The following FAR1 variants were observed in gnomAD, a reference collection of about 807,000 sequenced individuals.
FAR1 encodes the protein male sterility domain-containing protein 2.
A neutral mutation model predicts 61.1 loss-of-function variants in FAR1; 22 were observed. The ratio of observed to expected loss-of-function variants is 0.36; its 90% CI spans 0.26 to 0.51. The LOEUF is 0.51. Ranked by LOEUF, FAR1 falls within the 20% of genes least tolerant of loss-of-function variation. The pLI is 0.95. For synonymous variants in FAR1, 206 were observed against 209.7 expected (o/e 0.98, Z 0.15); for missense variants, 359 against 626.9 (o/e 0.57, Z 4.56).
chr11:13,706,543 CAT>C (rs1258595463), intron 3 of FAR1, among the ~76,000 whole-genome samples: 1 of 151,858 alleles, frequency 6.6e-6, no homozygotes, highest in Non-Finnish European at 1.5e-5. Flanking sequence ...TCATTTACAA[CAT>C]GTTTTGAAAT....
At chr11:13,727,412 G>T in intron 10 of FAR1, 144 bp from the exon 11 acceptor site, 2 of 559,748 alleles carry the variant, frequency 3.6e-6, no homozygotes, top group Non-Finnish European at 5.8e-6. Flanking sequence ...AGTGACTAGC[G>T]GTAAGATTTC....
chr11:13,677,680 C>T (rs956043663), intron 1 of FAR1, among the ~76,000 whole-genome samples: 1 of 152,126 alleles, frequency 6.6e-6, no homozygotes, highest in African/African-American at 2.4e-5. Context: ...GAGTGAGGAC[C>T]CTTAGAACAG....
At chr11:13,670,682 T>G (rs1847990751) in intron 1 of FAR1, among the ~76,000 whole-genome samples, 1 of 151,962 alleles carries the variant, frequency 6.6e-6, no homozygotes, top group Non-Finnish European at 1.5e-5. Flanking sequence ...TTATTACCCT[T>G]GTGAAGAATT....
rs373485409 is a variant in FAR1 at position 13,713,019 on chromosome 11, A to G, written c.941A>G (p.His314Arg). Residue 314 changes from histidine (H) to arginine (R), a missense_variant, in exon 8 of 12, where the codon CAC (histidine) becomes CGC (arginine). Around this residue, in one of 2 missense-constraint regions of FAR1, gnomAD observed 344 missense variants for 570.3 expected, o/e 0.60. Coordinates refer to ENST00000354817, the MANE Select transcript of FAR1 (RefSeq NM_032228.6). ...ACAACAGGCAGCACTAATCCTTTCCACTGGGGTGAAGTTGGTATGATTTTA... is the reference window on the plus strand; with the variant it reads ...ACAACAGGCAGCACTAATCCTTTCCGCTGGGGTGAAGTTGGTATGATTTTA... ...NCTTGSTNPF[H>R]WGEVEYHVIS... 2 of 1,612,862 alleles carry G rather than the reference A, an allele frequency of 1.2e-6. No individual in the cohort carries two copies. Among genetic ancestry groups the G allele is most frequent in the Non-Finnish European group, 1.7e-6 (2 of 1,178,994 alleles).
intron 3 of FAR1, 101 bp downstream of exon 3, chr11:13,700,593 A>G: frequency 2.7e-6 from 2 of 731,664 alleles, no homozygotes; most frequent in South Asian, 3.2e-5. Context: ...ATGTGATTTG[A>G]TACTATTTGC....
intron 4 of FAR1, among the ~76,000 whole-genome samples, chr11:13,708,315 G>A (rs192391852): frequency 2.5e-4 from 38 of 151,554 alleles, no homozygotes; most frequent in Admixed American, 7.9e-4. Context: ...CCGAGATGGC[G>A]CCACTGCACT....
At chr11:13,706,074 CTTTT>C (rs201157363) in intron 3 of FAR1, among the ~76,000 whole-genome samples, 1 of 151,944 alleles carries the variant, frequency 6.6e-6, no homozygotes, top group Non-Finnish European at 1.5e-5. Flanking sequence ...GTACTGAAAA[CTTTT>C]TTTAAAAAAT....
chr11:13,704,970 T>C (rs147138492), intron 3 of FAR1, among the ~76,000 whole-genome samples: 93 of 152,306 alleles, frequency 6.1e-4, no homozygotes, highest in African/African-American at 2.1e-3. Flanking sequence ...TTAAGGTCTT[T>C]AGAAGTATTA....
chr11:13,722,655 G>A (rs1319296095), intron 10 of FAR1, among the ~76,000 whole-genome samples: 1 of 151,744 alleles, frequency 6.6e-6, no homozygotes, highest in East Asian at 1.9e-4. Context: ...TGTATTTTTA[G>A]TAGAGACGGG....
chr11:13,721,829 A>G lies in FAR1; in HGVS notation c.1227A>G (p.Leu409=). 3.7e-6 allele frequency: 6 copies of G among 1,608,878 alleles called. No individual in the cohort carries two copies. In the South Asian group the frequency reaches 6.7e-5, roughly 18 times the overall value. ...GGAATACTGAGAATGTCAATATGTTAATGAATCAACTAAACCCTGAAGATA... is the reference window on the plus strand; with the variant it reads ...GGAATACTGAGAATGTCAATATGTTGATGAATCAACTAAACCCTGAAGATA... ...WVWNTENVNM[L]MNQLNPEDKK... Residue 409 remains leucine (L), a synonymous_variant, in exon 10 of 12, where the codon TTA becomes TTG. Transcript: ENST00000354817. The surrounding 1 kb of genome is among the most constrained non-coding windows in gnomAD (Gnocchi z 4.2).
At chr11:13,717,785 A>G (rs1214311970) in intron 9 of FAR1, among the ~76,000 whole-genome samples, 1 of 152,248 alleles carries the variant, frequency 6.6e-6, no homozygotes, top group Admixed American at 6.5e-5. Context: ...ATGAATGAAT[A>G]TGACTGTGTC....
Position 13,717,614 on chromosome 11 carries a change from C to T in FAR1, c.1127+2934C>T, listed in dbSNP as rs75880178. Among the ~76,000 whole-genome samples, 41 of 152,254 alleles carry T rather than the reference C, an allele frequency of 2.7e-4. 1 individual carries two copies. In the East Asian group the frequency reaches 7.5e-3, roughly 28 times the overall value. ...GCCAAGTAGCCTTCTTATCCTGCTT[C>T]GTGCCCATGAAAGGTTAGGGGATCA... On this transcript the variant is annotated intron_variant, in intron 9 of 11. Coordinates refer to ENST00000354817, the MANE Select transcript of FAR1 (RefSeq NM_032228.6).
intron 3 of FAR1, among the ~76,000 whole-genome samples, chr11:13,704,044 C>CAAAA (rs55995847): frequency 1.3e-5 from 1 of 79,640 alleles, no homozygotes; most frequent in Non-Finnish European, 2.4e-5. Context: ...AACTCCGTCT[C>CAAAA]AAAAAAAAAA....
At chr11:13,724,357 G>A (rs1565353471) in intron 10 of FAR1, among the ~76,000 whole-genome samples, 1 of 151,748 alleles carries the variant, frequency 6.6e-6, no homozygotes, top group African/African-American at 2.4e-5. Flanking sequence ...ACCAGCCTGG[G>A]CAACAAAGTG....
chr11:13,727,351 C>G (rs1414747015), intron 10 of FAR1, among the ~76,000 whole-genome samples: 1 of 151,786 alleles, frequency 6.6e-6, no homozygotes, highest in Non-Finnish European at 1.5e-5. Flanking sequence ...ATTATCTTCT[C>G]AAATGTTTCC....
intron 4 of FAR1, among the ~76,000 whole-genome samples, chr11:13,708,882 T>TA (rs1848468380): frequency 6.6e-6 from 1 of 152,272 alleles, no homozygotes; most frequent in East Asian, 1.9e-4. Flanking sequence ...CAGCAATTGT[T>TA]ACATGAAAAT....
At chr11:13,718,350 C>T (rs1848575920) in intron 9 of FAR1, among the ~76,000 whole-genome samples, 1 of 152,202 alleles carries the variant, frequency 6.6e-6, no homozygotes, top group Admixed American at 6.5e-5. Flanking sequence ...CTTTTGCCCT[C>T]TTTCAGCAAA....
chr11:13,712,894 A>G (rs1442673529), intron 7 of FAR1, 72 bp from the exon 8 acceptor site: 4 of 1,158,336 alleles, frequency 3.5e-6, no homozygotes, highest in East Asian at 2.4e-5. Context: ...CTTCTTGAAT[A>G]CTATGTAGGA....
rs1461100221 is a variant in FAR1 at position 13,729,336 on chromosome 11, T to C, written c.*562T>C. 6.6e-6 allele frequency: 1 copy of C among 150,636 alleles called. No homozygotes were observed. The highest frequency in any genetic ancestry group is 1.5e-5 in the Non-Finnish European group (1 of 67,876). 9.3% of individuals were successfully genotyped at this position (150,636 alleles called of 1,614,324 possible). On this transcript the variant is annotated 3_prime_UTR_variant, in exon 12 of 12. Coordinates refer to ENST00000354817, the MANE Select transcript of FAR1 (RefSeq NM_032228.6). ...AAACATGAAAGAGATGTTCTCATTT[T>C]TCTTTTTCTGATTAAACGTCTGATG...
Sources: allele counts gnomAD v4.1 joint callset (sites outside exome capture counted in the v4.1 genomes callset), GRCh38; gene constraint gnomAD v4.1.1; regional missense constraint gnomAD v4.1.1; non-coding constraint Gnocchi (gnomAD v3.1); transcripts MANE v1.5; gene names NCBI Gene and HGNC (gene_info 2026-07-23, HGNC 2026-07-21).